ZC3H3: variants seen among roughly 807,000 people sequenced by gnomAD.
ZC3H3 encodes zinc finger CCCH-type containing 3.
A neutral mutation model predicts 77.3 loss-of-function variants in ZC3H3; 36 were observed. That is an observed-to-expected ratio of 0.47 (90% confidence interval 0.36 to 0.61). The LOEUF (loss-of-function observed/expected upper bound fraction) is 0.61, where lower values mean the gene tolerates loss of function less well. Among genes scored for constraint, ZC3H3 ranks in the 20% least tolerant of loss-of-function variants. The pLI is 0.00. For missense variants in ZC3H3, 1,331 were observed against 1,312.2 expected, an observed-to-expected ratio of 1.01 and a Z score of -0.22; for synonymous variants, 626 against 555.2, an observed-to-expected ratio of 1.13 and a Z score of -1.79.
intron 4 of ZC3H3, among the ~76,000 whole-genome samples, chr8:143,503,440 G>A (rs1418567434): frequency 2.0e-5 from 3 of 152,052 alleles, no homozygotes; most frequent in East Asian, 3.8e-4. Context: ...ATCTGACAAC[G>A]ACGAGCACTG....
chr8:143,471,584 G>A (rs1820565632), intron 5 of ZC3H3, among the ~76,000 whole-genome samples: 1 of 152,240 alleles, frequency 6.6e-6, no homozygotes, highest in Non-Finnish European at 1.5e-5. Flanking sequence ...CATGCTCACT[G>A]GGGGCCCACA....
intron 3 of ZC3H3, among the ~76,000 whole-genome samples, chr8:143,514,148 G>A (rs547116072): frequency 2.0e-5 from 3 of 152,264 alleles, no homozygotes; most frequent in South Asian, 4.1e-4. Context: ...AGAAGGGGTA[G>A]GCAGACCCCA....
At position 143,458,836 on chromosome 8, in the gene ZC3H3, C is replaced by A. The variant is rs1375908291; in HGVS notation, c.2307+6881G>T. On this transcript the variant is annotated intron_variant, in intron 9 of 11. Coordinates refer to ENST00000262577, the MANE Select transcript of ZC3H3 (RefSeq NM_015117.3). ...GTGGGAGGATCACTTGAGCCCAGGA[C>A]ACAGCTGGGCGCAGTGGCTCATGCC... Among the ~76,000 whole-genome samples, 13 of 138,120 alleles carry A rather than the reference C, an allele frequency of 9.4e-5. No homozygotes were observed. The Admixed American group carries it at 9.4e-4, about 10-fold the overall frequency. 90.6% of individuals were successfully genotyped at this position (138,120 alleles called of 152,430 possible).
At chr8:143,517,718 G>C (rs1822105065) in intron 3 of ZC3H3, among the ~76,000 whole-genome samples, 1 of 152,170 alleles carries the variant, frequency 6.6e-6, no homozygotes, top group South Asian at 2.1e-4. Context: ...GAGGCACCTG[G>C]GACGGGCCCT....
chr8:143,454,923 A>G (rs895285087), intron 9 of ZC3H3, among the ~76,000 whole-genome samples: 2 of 152,184 alleles, frequency 1.3e-5, no homozygotes, highest in Non-Finnish European at 2.9e-5. Context: ...TTCATAAAAA[A>G]TGGCCCCAAA....
chr8:143,480,204 T>C (rs1037516251), intron 4 of ZC3H3, among the ~76,000 whole-genome samples: 6 of 152,196 alleles, frequency 3.9e-5, no homozygotes, highest in African/African-American at 1.2e-4. Flanking sequence ...AGGCTCACTC[T>C]GAGGTCTTGG....
intron 9 of ZC3H3, among the ~76,000 whole-genome samples, chr8:143,465,445 G>A (rs755727424): frequency 3.0e-4 from 45 of 152,184 alleles, no homozygotes; most frequent in Non-Finnish European, 4.1e-4. Flanking sequence ...ACCATGGGGG[G>A]CCAGCTCCTG....
At chr8:143,534,985 G>A (rs1022246642) in intron 3 of ZC3H3, among the ~76,000 whole-genome samples, 1 of 151,722 alleles carries the variant, frequency 6.6e-6, no homozygotes, top group Non-Finnish European at 1.5e-5. Context: ...TCTTGGGTCT[G>A]CCCAGGCCCA....
chr8:143,537,086 G>C (rs1216670608), intron 2 of ZC3H3, among the ~76,000 whole-genome samples: 2 of 152,172 alleles, frequency 1.3e-5, no homozygotes, highest in Non-Finnish European at 2.9e-5. Context: ...TGATGACAGA[G>C]GCAGGACCCC....
intron 2 of ZC3H3, 35 bp downstream of exon 2, chr8:143,537,968 C>T (rs766819676): frequency 1.3e-6 from 2 of 1,559,722 alleles, no homozygotes; most frequent in Admixed American, 1.8e-5. Flanking sequence ...CCTCACAGCC[C>T]CTCACACTCT....
chr8:143,514,544 G>A (rs762255853), intron 3 of ZC3H3, among the ~76,000 whole-genome samples: 6 of 152,228 alleles, frequency 3.9e-5, no homozygotes, highest in Non-Finnish European at 7.3e-5. Flanking sequence ...ACACAGGCGT[G>A]AGCACACGTG....
At chr8:143,488,463 T>G (rs34677216) in intron 4 of ZC3H3, among the ~76,000 whole-genome samples, 1 of 137,764 alleles carries the variant, frequency 7.3e-6, no homozygotes, top group African/African-American at 2.9e-5. Flanking sequence ...CACGACCCCA[T>G]CACCACGAAG....
At position 143,494,108 on chromosome 8, in the gene ZC3H3, C is replaced by T. The variant is rs1051243364; in HGVS notation, c.1715+13638G>A. On this transcript the variant is annotated intron_variant, in intron 4 of 11. Transcript: ENST00000262577. This position sits in a 1 kb window ranked among gnomAD's most constrained non-coding sequence, Gnocchi z 5.3. ...GGGGAGTGGGAGGGGAAGGGGAGCG[C>T]TGAGGGCCATCCCCACAGGCCTCCC... Among the ~76,000 whole-genome samples the T allele has an allele frequency of 3.3e-5, 5 of 152,162 alleles. No homozygotes were observed. The highest frequency in any genetic ancestry group is 1.2e-4 in the African/African-American group (5 of 41,450).
rs3058418 is a variant in ZC3H3, at chr8:143,530,956, C to CTTT, written c.1561+5298_1561+5300dup. On this transcript the variant is annotated intron_variant, in intron 3 of 11. Coordinates refer to ENST00000262577, the MANE Select transcript of ZC3H3 (RefSeq NM_015117.3). This position sits in a 1 kb window ranked among gnomAD's most constrained non-coding sequence, Gnocchi z 4.3. ...CCCTTCTGGGGCTGTCTTCTATCTC[C>CTTT]TTTTTTTTTTTTTTTTTTTTTGAGA... Among the ~76,000 whole-genome samples the CTTT allele has an allele frequency of 1.2e-4, 16 of 133,538 alleles. No homozygotes were observed. Among genetic ancestry groups the CTTT allele is most frequent in the African/African-American group, 2.3e-4 (8 of 34,198 alleles). 87.6% of individuals were successfully genotyped at this position (133,538 alleles called of 152,430 possible).
In ZC3H3 at chr8:143,538,126, G is replaced by T. The variant is rs143555620; in HGVS notation, c.1241C>A (p.Ser414Tyr). ...ASQLSPVLSR[S>Y]PSGDRPAVGH... The stretch of plus-strand genomic sequence containing the variant: ...TACTGCTGGTCTGTCCCCCGACGGG[G>T]ACCTAGACAGGACTGGGGAGAGCTG... The change falls in exon 2 of 12, where the codon TCC becomes TAC. Residue 414 changes from serine to tyrosine, a missense_variant. Ser to Tyr is a moderately radical substitution (Grantham distance 144). Around this residue, in one of 3 missense-constraint regions of ZC3H3, gnomAD observed 978 missense variants for 915.5 expected, o/e 1.07. Transcript: ENST00000262577. The T allele has an allele frequency of 1.5e-5, 25 of 1,613,178 alleles. No homozygotes were observed. The highest frequency in any genetic ancestry group is 1.6e-4 in the Middle Eastern group (1 of 6,062).
At chr8:143,529,587 T>A (rs1404864632) in intron 3 of ZC3H3, among the ~76,000 whole-genome samples, 2 of 152,156 alleles carry the variant, frequency 1.3e-5, no homozygotes, top group Non-Finnish European at 2.9e-5. Flanking sequence ...CCAGGAAATG[T>A]CGCACCACAG....
Position 143,507,737 on chromosome 8 carries a change from C to G in ZC3H3, c.1715+9G>C, listed in dbSNP as rs1164589939. On this transcript the variant is annotated intron_variant, in intron 4 of 11. Transcript: ENST00000262577. The stretch of plus-strand genomic sequence containing the variant: ...CAGGCCTGCAGGAGCCTGCAGGAAG[C>G]CTTCCTACCTGGATAGTGAGAGCCG... The G allele has an allele frequency of 1.9e-6, 3 of 1,554,254 alleles. No individual in the cohort carries two copies. Among genetic ancestry groups the G allele is most frequent in the South Asian group, 1.2e-5 (1 of 86,394 alleles).
At chr8:143,492,357 T>TC (rs1821231749) in intron 4 of ZC3H3, among the ~76,000 whole-genome samples, 1 of 152,016 alleles carries the variant, frequency 6.6e-6, no homozygotes, top group East Asian at 1.9e-4. Flanking sequence ...CACCAGGGCC[T>TC]CAGCATCAGG....
chr8:143,530,121 T>C lies in ZC3H3; in HGVS notation c.1561+6136A>G, dbSNP rs1336620830. 6.6e-6 allele frequency among the ~76,000 whole-genome samples: 1 copy of C among 152,150 alleles called. No individual in the cohort carries two copies. The highest frequency in any genetic ancestry group is 2.4e-5 in the African/African-American group (1 of 41,436). ...AGAGGCAGATGCCCGGCCTGGCTCCTGTCAAAGCCTGGGCAGCCGGCAGGC... is the reference window on the plus strand; with the variant it reads ...AGAGGCAGATGCCCGGCCTGGCTCCCGTCAAAGCCTGGGCAGCCGGCAGGC... On this transcript the variant is annotated intron_variant, in intron 3 of 11. Transcript: ENST00000262577. The surrounding 1 kb of genome is among the most constrained non-coding windows in gnomAD (Gnocchi z 4.3).
Sources: allele counts gnomAD v4.1 joint callset (sites outside exome capture counted in the v4.1 genomes callset), GRCh38; gene constraint gnomAD v4.1.1; regional missense constraint gnomAD v4.1.1; non-coding constraint Gnocchi (gnomAD v3.1); transcripts MANE v1.5; gene names NCBI Gene and HGNC (gene_info 2026-07-23, HGNC 2026-07-21).